Variants in MRPL10 observed in about 807,000 individuals in gnomAD.
MRPL10 encodes large ribosomal subunit protein uL10m.
In MRPL10, 14 loss-of-function variants were observed where a neutral mutation model predicts 19.8. The observed-to-expected ratio is 0.71, with a 90% CI of 0.47 to 1.11. The LOEUF is 1.11. MRPL10 is among the 50% of genes least tolerant of loss of function. MRPL10 has a pLI of 0.00. For missense variants in MRPL10, 318 were observed against 339.6 expected (o/e 0.94, Z 0.50); for synonymous variants, 129 against 139.2 (o/e 0.93, Z 0.52).
Position 47,831,229 on chromosome 17 carries a change from A to G in MRPL10, c.52+231T>C, listed in dbSNP as rs558895662. On this transcript the variant is annotated intron_variant, in intron 1 of 4. Transcript: ENST00000351111. Reference sequence around the variant, plus strand: ...ACTGACACATTAAGATGGAGACATAATGCAAAGGTCTGGGCGAGGAGTGGT... The same window carrying G: ...ACTGACACATTAAGATGGAGACATAGTGCAAAGGTCTGGGCGAGGAGTGGT... The G allele has an allele frequency of 3.5e-6, 4 of 1,150,734 alleles. No individual in the cohort carries two copies. The Admixed American group carries it at 1.1e-4, about 32-fold the overall frequency. The allele number at this position is 1,150,734 out of a possible 1,614,324, so 71.3% of individuals were successfully genotyped here. A position where few individuals can be genotyped will look rare whatever the true frequency, so the allele number is the denominator to read the frequency against.
At position 47,824,018 on chromosome 17, in the gene MRPL10, G is replaced by T; in HGVS notation, c.*187C>A. 1 of 712,990 alleles carries T rather than the reference G, an allele frequency of 1.4e-6. No homozygotes were observed. The highest frequency in any genetic ancestry group is 2.3e-6 in the Non-Finnish European group (1 of 436,630). The allele number at this position is 712,990 out of a possible 1,614,324, so 44.2% of individuals were successfully genotyped here. On this transcript the variant is annotated 3_prime_UTR_variant, in exon 5 of 5. Transcript: ENST00000351111. ...AGTTGGGAAAACTAAGGACGAAGCC[G>T]GTGACTGACATCTGAAATGGAATCC...
At chr17:47,828,144 A>C (rs2143592735) in intron 2 of MRPL10, among the ~76,000 whole-genome samples, 1 of 151,668 alleles carries the variant, frequency 6.6e-6, no homozygotes, top group African/African-American at 2.4e-5. Flanking sequence ...CAGAGGCTGC[A>C]GTGAGCCAAG....
In MRPL10 at chr17:47,823,810, T is replaced by C; in HGVS notation, c.*395A>G. 3.4e-6 allele frequency: 1 copy of C among 296,842 alleles called. No homozygotes were observed. The highest frequency in any genetic ancestry group is 6.5e-6 in the Non-Finnish European group (1 of 154,806). The allele number at this position is 296,842 out of a possible 1,614,324, so 18.4% of individuals were successfully genotyped here. On this transcript the variant is annotated 3_prime_UTR_variant, in exon 5 of 5. Coordinates refer to ENST00000351111, the MANE Select transcript of MRPL10 (RefSeq NM_145255.4). ...CACAGCAGGCTCTCACCAGGTGCCA[T>C]TCTCAGCACAACTGCTTGGTTGAGC...
At chr17:47,831,167 G>T in intron 1 of MRPL10, 3 of 643,632 alleles carry the variant, frequency 4.7e-6, no homozygotes, top group Non-Finnish European at 7.5e-6. Context: ...TTGCGACGGG[G>T]CTAAGGAGTC....
rs750760592 is a variant in MRPL10 at position 47,824,383 on chromosome 17, A to G, written c.608T>C (p.Val203Ala). The G allele has an allele frequency of 2.5e-6, 4 of 1,608,212 alleles. No homozygotes were observed. Among genetic ancestry groups the G allele is most frequent in the East Asian group, 2.2e-5 (1 of 44,734 alleles). Reference sequence around the variant, plus strand: ...GAGGCCTCCTACAAGCTCCCCCTGCACCAGGGGCAGGCTGGGGAGCTTGGA... The same window carrying G: ...GAGGCCTCCTACAAGCTCCCCCTGCGCCAGGGGCAGGCTGGGGAGCTTGGA... Reference protein sequence around the residue: ...NYSKLPSLPLVQGELVGGLTC... With the variant: ...NYSKLPSLPLAQGELVGGLTC... Residue 203 changes from valine to alanine, a missense_variant, in exon 5 of 5, where the codon GTG (valine) becomes GCG (alanine). Transcript: ENST00000351111.
At position 47,823,639 on chromosome 17, in the gene MRPL10, G is replaced by T. The variant is rs1295516881; in HGVS notation, c.*566C>A. 6.4e-6 allele frequency: 1 copy of T among 156,940 alleles called. No homozygotes were observed. Among genetic ancestry groups the T allele is most frequent in the Non-Finnish European group, 1.4e-5 (1 of 70,464 alleles). 9.7% of individuals were successfully genotyped at this position (156,940 alleles called of 1,614,324 possible). A position where few individuals can be genotyped will look rare whatever the true frequency, so the allele number is the denominator to read the frequency against. On this transcript the variant is annotated 3_prime_UTR_variant, in exon 5 of 5. Coordinates refer to ENST00000351111, the MANE Select transcript of MRPL10 (RefSeq NM_145255.4). ...ACGCGGTCTTCAGAGCAGAGGGCTT[G>T]GTTCAAGTCCCTGTTCTGCCACTTA... is the stretch of plus-strand genomic sequence containing the variant.
rs1470161065 is a variant in MRPL10 at position 47,823,831 on chromosome 17, T to A, written c.*374A>T. ...GCCATTCTCAGCACAACTGCTTGGT[T>A]GAGCTACTGTGGCAGTGGCAGGTTG... On this transcript the variant is annotated 3_prime_UTR_variant, in exon 5 of 5. Transcript: ENST00000351111. 2.2e-5 allele frequency: 7 copies of A among 321,120 alleles called. No individual in the cohort carries two copies. The East Asian group carries it at 6.0e-4, about 27-fold the overall frequency. 19.9% of individuals were successfully genotyped at this position (321,120 alleles called of 1,614,324 possible).
In MRPL10 at chr17:47,831,483, C is replaced by T; in HGVS notation, c.29G>A (p.Arg10Gln). 2 of 1,548,984 alleles carry T rather than the reference C, an allele frequency of 1.3e-6. No individual in the cohort carries two copies. The highest frequency in any genetic ancestry group is 1.2e-5 in the South Asian group (1 of 84,008). MAAAVAGML[R>Q]GGLLPQAGRL... Reference sequence around the variant, plus strand: ...ACCCGCCTGGGGCAGGAGACCCCCTCGCAGCATCCCCGCCACGGCCGCAGC... The same window carrying T: ...ACCCGCCTGGGGCAGGAGACCCCCTTGCAGCATCCCCGCCACGGCCGCAGC... Residue 10 changes from arginine to glutamine, a missense_variant, in exon 1 of 5, where the codon CGA (arginine) becomes CAA (glutamine). Transcript: ENST00000351111.
At chr17:47,827,868 A>C (rs2033558943) in intron 2 of MRPL10, among the ~76,000 whole-genome samples, 1 of 112,756 alleles carries the variant, frequency 8.9e-6, no homozygotes, top group South Asian at 3.2e-4. Context: ...CTGCACACCA[A>C]CCTGGGTGAC....
rs749413304 is a variant in MRPL10, at chr17:47,824,297, G to C, written c.694C>G (p.Leu232Val). 6.2e-7 allele frequency: 1 copy of C among 1,614,180 alleles called. No individual in the cohort carries two copies. The highest frequency in any genetic ancestry group is 8.5e-7 in the Non-Finnish European group (1 of 1,180,038). ...LQHQPLQLTT[L>V]LDQYIREQRE... ...TGCTCTCTGATGTACTGGTCCAACA[G>C]GGTGGTCAGCTGGAGGGGCTGGTGC... The change falls in exon 5 of 5, where the codon CTG (leucine) becomes GTG (valine). Residue 232 changes from leucine (L) to valine (V), a missense_variant. Physicochemically the swap from Leu to Val is conservative, Grantham distance 32. Transcript: ENST00000351111.
chr17:47,829,489 A>G (rs2033590463), intron 1 of MRPL10: 1 of 152,250 alleles, frequency 6.6e-6, no homozygotes, highest in African/African-American at 2.4e-5. Context: ...TATAAAACAC[A>G]GTGACTGGCC....
chr17:47,828,959 TG>T (rs1290517621), intron 1 of MRPL10, among the ~76,000 whole-genome samples: 1 of 152,152 alleles, frequency 6.6e-6, no homozygotes, highest in East Asian at 1.9e-4. Context: ...GAAAATATTT[TG>T]AACACATTAA....
At chr17:47,831,297 G>C in intron 1 of MRPL10, 163 bp downstream of exon 1, 1 of 1,526,456 alleles carries the variant, frequency 6.6e-7, no homozygotes, top group Non-Finnish European at 8.8e-7. Context: ...TCTGGACGTT[G>C]TTGCTGTGAT....
In MRPL10 at chr17:47,824,073, C is replaced by T; in HGVS notation, c.*132G>A. On this transcript the variant is annotated 3_prime_UTR_variant, in exon 5 of 5. Coordinates refer to ENST00000351111, the MANE Select transcript of MRPL10 (RefSeq NM_145255.4). ...CATCTCCAAGTGGCCCTATACCTGA[C>T]AATATCATTACTAGTGAAAACCAAG... 2.6e-6 allele frequency: 3 copies of T among 1,155,298 alleles called. No homozygotes were observed. The highest frequency in any genetic ancestry group is 1.4e-5 in the South Asian group (1 of 70,030). 71.6% of individuals were successfully genotyped at this position (1,155,298 alleles called of 1,614,324 possible).
rs532040959 is a variant in MRPL10, at chr17:47,831,195, G to A, written c.52+265C>T. ...AAGGAGTCAAGGGAAGACCTGAGGT[G>A]ACATTTAGACTGACACATTAAGATG... On this transcript the variant is annotated intron_variant, in intron 1 of 4. Transcript: ENST00000351111. The A allele has an allele frequency of 6.8e-4, 576 of 841,966 alleles. 3 individuals carry two copies. The African/African-American group carries it at 9.4e-3, about 14-fold the overall frequency. The allele number at this position is 841,966 out of a possible 1,614,324, so 52.2% of individuals were successfully genotyped here.
chr17:47,827,894 C>CA (rs60303077), intron 2 of MRPL10, among the ~76,000 whole-genome samples: 14,105 of 45,524 alleles, frequency 0.31, 4,696 homozygotes, highest in Non-Finnish European at 0.4. Flanking sequence ...CTCTGTCTCA[C>CA]AAAAAAAAAA....
Position 47,824,083 on chromosome 17 carries a change from A to T in MRPL10, c.*122T>A. ...TGGCCCTATACCTGACAATATCATT[A>T]CTAGTGAAAACCAAGTGACAAACAC... On this transcript the variant is annotated 3_prime_UTR_variant, in exon 5 of 5. Transcript: ENST00000351111. 1.6e-6 allele frequency: 2 copies of T among 1,237,156 alleles called. No individual in the cohort carries two copies. The highest frequency in any genetic ancestry group is 1.4e-5 in the South Asian group (1 of 73,446). 76.6% of individuals were successfully genotyped at this position (1,237,156 alleles called of 1,614,324 possible). A position where few individuals can be genotyped will look rare whatever the true frequency, so the allele number is the denominator to read the frequency against.
In MRPL10 at chr17:47,824,181, C is replaced by A; in HGVS notation, c.*24G>T. 1 of 1,613,896 alleles carries A rather than the reference C, an allele frequency of 6.2e-7. No homozygotes were observed. Among genetic ancestry groups the A allele is most frequent in the Non-Finnish European group, 8.5e-7 (1 of 1,179,986 alleles). ...GCCAATAACGCAGAGTGTATTTATGCGCAGGGCTGGCTAAACAGGCTGGCT... is the reference window on the plus strand; with the variant it reads ...GCCAATAACGCAGAGTGTATTTATGAGCAGGGCTGGCTAAACAGGCTGGCT... On this transcript the variant is annotated 3_prime_UTR_variant, in exon 5 of 5. Coordinates refer to ENST00000351111, the MANE Select transcript of MRPL10 (RefSeq NM_145255.4).
At position 47,826,604 on chromosome 17, in the gene MRPL10, C is replaced by A. The variant is rs758453056; in HGVS notation, c.532+33G>T. On this transcript the variant is annotated intron_variant, in intron 4 of 4. Transcript: ENST00000351111. ...GCAGATGGCAGCAGGCCCCTCTTCA[C>A]CCCACCCCTAACTGGCAGGGGTGCT... The A allele has an allele frequency of 1.9e-6, 3 of 1,610,778 alleles. No individual in the cohort carries two copies. The Admixed American group carries it at 5.0e-5, about 27-fold the overall frequency.
Sources: gnomAD v4.1 joint callset for allele counts (sites outside exome capture counted in the v4.1 genomes callset) on GRCh38, gnomAD v4.1.1 for gene constraint, MANE v1.5 for transcripts, NCBI Gene and HGNC (gene_info 2026-07-23, HGNC 2026-07-21) for gene names.